The following LIMK2 variants were observed in gnomAD, a reference collection of about 807,000 sequenced individuals.
The protein encoded by LIMK2 is LIM domain kinase 2.
A neutral mutation model predicts 75.7 loss-of-function variants in LIMK2; 35 were observed. The ratio of observed to expected loss-of-function variants is 0.46; its 90% confidence interval spans 0.35 to 0.61. LIMK2 has a LOEUF of 0.61. LIMK2 is among the 20% of genes least tolerant of loss of function. The probability of loss-of-function intolerance (pLI) is 0.00; values close to 1 mark genes in which losing one functional copy is unlikely to be tolerated. For missense variants in LIMK2, 623 were observed against 831.0 expected (o/e 0.75, Z 3.08); for synonymous variants, 301 against 319.2 (o/e 0.94, Z 0.61).
chr22:31,254,870 A>G (rs1343912859), intron 2 of LIMK2, among the ~76,000 whole-genome samples: 1 of 152,156 alleles, frequency 6.6e-6, no homozygotes, highest in Non-Finnish European at 1.5e-5. Context: ...GAGGTGGGAA[A>G]ATCACTTGAA....
chr22:31,268,049 G>T (rs1269306996), intron 10 of LIMK2, 95 bp from the exon 11 acceptor site: 6 of 1,514,758 alleles, frequency 4.0e-6, no homozygotes, highest in Admixed American at 3.3e-5. Context: ...GCATACACAG[G>T]GAGGCTTCAC....
chr22:31,263,613 G>A (rs2048862642), intron 7 of LIMK2, among the ~76,000 whole-genome samples: 1 of 152,002 alleles, frequency 6.6e-6, no homozygotes, highest in South Asian at 2.1e-4. Flanking sequence ...GCCTAGGTCG[G>A]AGGATGGCTT....
intron 2 of LIMK2, among the ~76,000 whole-genome samples, chr22:31,246,175 G>GCACACACACACACACACACACACACACA (rs1300039438): frequency 9.0e-5 from 7 of 78,054 alleles, no homozygotes; most frequent in Non-Finnish European, 1.4e-4. Context: ...TCCGACACAC[G>GCACACACACACACACACACACACACACA]CACGCACGCA....
At chr22:31,245,602 T>G (rs2048660992) in intron 2 of LIMK2, among the ~76,000 whole-genome samples, 1 of 152,024 alleles carries the variant, frequency 6.6e-6, no homozygotes, top group Non-Finnish European at 1.5e-5. Context: ...ATGACTGGCC[T>G]GATTGACTGA....
At chr22:31,269,107 T>TG (rs1555887961) in intron 11 of LIMK2, among the ~76,000 whole-genome samples, 3 of 151,936 alleles carry the variant, frequency 2.0e-5, no homozygotes, top group African/African-American at 7.3e-5. Flanking sequence ...AGGAGGTTTT[T>TG]TTGTTGTTGT....
intron 2 of LIMK2, among the ~76,000 whole-genome samples, chr22:31,257,765 A>G (rs1394566602): frequency 1.3e-5 from 2 of 152,078 alleles, no homozygotes; most frequent in Non-Finnish European, 2.9e-5. Context: ...GATTTGCCTG[A>G]TTAGTTTTTT....
At chr22:31,248,846 C>T (rs1264958015) in intron 2 of LIMK2, 1 of 1,460,950 alleles carries the variant, frequency 6.8e-7, no homozygotes, top group Non-Finnish European at 9.6e-7. Flanking sequence ...CCCTAAATCT[C>T]CTTCTCACTT....
intron 1 of LIMK2, among the ~76,000 whole-genome samples, chr22:31,212,838 C>T (rs1388539290): frequency 6.6e-6 from 1 of 152,068 alleles, no homozygotes; most frequent in African/African-American, 2.4e-5. Context: ...TTGAGGAGTA[C>T]AGGATCCTCT....
At position 31,237,522 on chromosome 22, in the gene LIMK2, C is replaced by A. The variant is rs537779543; in HGVS notation, c.116+11703C>A. Reference sequence around the variant, plus strand: ...GAGGTTGCAGTGTGCTGAGATCGCGCCACTGCCCTCCAGTAGAGTGAGATT... The same window carrying A: ...GAGGTTGCAGTGTGCTGAGATCGCGACACTGCCCTCCAGTAGAGTGAGATT... On this transcript the variant is annotated intron_variant, in intron 2 of 15. Transcript: ENST00000331728. Among the ~76,000 whole-genome samples, 7 of 151,560 alleles carry A rather than the reference C, an allele frequency of 4.6e-5. No individual in the cohort carries two copies. In the South Asian group the frequency reaches 1.5e-3, roughly 32 times the overall value.
At position 31,275,311 on chromosome 22, in the gene LIMK2, T is replaced by C; in HGVS notation, c.1772+3T>C. 6.2e-7 allele frequency: 1 copy of C among 1,614,164 alleles called. No homozygotes were observed. Among genetic ancestry groups the C allele is most frequent in the South Asian group, 1.1e-5 (1 of 91,080 alleles). ...TGCAGACTGGAGCCTGAGAGCAGGT[T>C]GGTATCCTGCCTTTTTCTCCCAGCT... On this transcript the variant is annotated splice_donor_region_variant and intron_variant, in intron 15 of 15. Coordinates refer to ENST00000331728, the MANE Select transcript of LIMK2 (RefSeq NM_005569.4).
intron 1 of LIMK2, among the ~76,000 whole-genome samples, chr22:31,220,792 G>A (rs998554418): frequency 4.6e-5 from 7 of 152,102 alleles, no homozygotes; most frequent in Admixed American, 2.6e-4. Flanking sequence ...GAGAAACTCC[G>A]TCTCTACTAA....
rs1049016592 is a variant in LIMK2 at position 31,266,138 on chromosome 22, C to T, written c.1041+6C>T. 7 of 1,613,800 alleles carry T rather than the reference C, an allele frequency of 4.3e-6. No homozygotes were observed. Among genetic ancestry groups the T allele is most frequent in the Non-Finnish European group, 4.2e-6 (5 of 1,179,742 alleles). ...TCTTTGGGCAGGCTATCAAGGTGAG[C>T]GCAGGCAACAATTGCTTTGCTCTTC... On this transcript the variant is annotated splice_donor_region_variant and intron_variant, in intron 8 of 15. Transcript: ENST00000331728.
intron 14 of LIMK2, 25 bp downstream of exon 14, chr22:31,273,532 C>T (rs201116779): frequency 6.2e-7 from 1 of 1,605,434 alleles, no homozygotes. Context: ...CAAGGCCATG[C>T]CCGAGGCAGC....
At chr22:31,272,273 C>T (rs1050426585) in intron 12 of LIMK2, among the ~76,000 whole-genome samples, 3 of 143,376 alleles carry the variant, frequency 2.1e-5, no homozygotes, top group African/African-American at 8.0e-5. Flanking sequence ...CGGGGTTTTG[C>T]CATGTTGGCC....
intron 2 of LIMK2, among the ~76,000 whole-genome samples, chr22:31,241,134 G>A (rs2048620684): frequency 6.6e-6 from 1 of 152,220 alleles, no homozygotes; most frequent in Admixed American, 6.5e-5. Flanking sequence ...TTCTGATTCT[G>A]TATATCTGAA....
rs1447703562 is a variant in LIMK2 at position 31,262,972 on chromosome 22, C to T, written c.854+181C>T. Among the ~76,000 whole-genome samples, 1 of 152,186 alleles carries T rather than the reference C, an allele frequency of 6.6e-6. No individual in the cohort carries two copies. The highest frequency in any genetic ancestry group is 6.5e-5 in the Admixed American group (1 of 15,278). On this transcript the variant is annotated intron_variant, in intron 7 of 15. Transcript: ENST00000331728. This position sits in a 1 kb window ranked among gnomAD's most constrained non-coding sequence, Gnocchi z 5.0. The stretch of plus-strand genomic sequence containing the variant: ...AGTTTACAGCCAGAGCCTGTGCGGA[C>T]CCAGCTGTCTGCCAGGTTTCCTTAG...
At chr22:31,227,321 A>G (rs909315957) in intron 2 of LIMK2, among the ~76,000 whole-genome samples, 1 of 152,238 alleles carries the variant, frequency 6.6e-6, no homozygotes, top group Non-Finnish European at 1.5e-5. Flanking sequence ...CAGCTCCTGC[A>G]CATAGCTCTT....
At chr22:31,277,109 T>C (rs762266102) in intron 15 of LIMK2, 1 of 1,613,878 alleles carries the variant, frequency 6.2e-7, no homozygotes, top group East Asian at 2.2e-5. Flanking sequence ...ATCCGGGCCA[T>C]GCAGAAGCTG....
intron 8 of LIMK2, among the ~76,000 whole-genome samples, 162 bp downstream of exon 8, chr22:31,266,294 A>G (rs2048894903): frequency 6.6e-6 from 1 of 152,120 alleles, no homozygotes; most frequent in South Asian, 2.1e-4. Context: ...ACCCCCACCC[A>G]GGCCACCTAA....
Sources: gnomAD v4.1 joint callset for allele counts (sites outside exome capture counted in the v4.1 genomes callset) on GRCh38, gnomAD v4.1.1 for gene constraint, Gnocchi (gnomAD v3.1) non-coding constraint, MANE v1.5 for transcripts, NCBI Gene and HGNC (gene_info 2026-07-23, HGNC 2026-07-21) for gene names.